The following WDFY2 variants were observed in gnomAD, a reference collection of about 807,000 sequenced individuals.
WDFY2 encodes WD repeat and FYVE domain-containing protein 2.
A neutral mutation model predicts 56.4 loss-of-function variants in WDFY2; 36 were observed. That is an observed-to-expected ratio of 0.64 (90% CI 0.49 to 0.84). The LOEUF (loss-of-function observed/expected upper bound fraction) is 0.84. WDFY2 is among the 40% of genes least tolerant of loss of function. WDFY2 has a pLI of 0.00. For missense variants in WDFY2, 444 were observed against 512.2 expected, an observed-to-expected ratio of 0.87 and a Z score of 1.29; for synonymous variants, 176 against 183.7, an observed-to-expected ratio of 0.96 and a Z score of 0.34.
chr13:51,696,657 C>T (rs1319336162), intron 3 of WDFY2, among the ~76,000 whole-genome samples: 1 of 152,068 alleles, frequency 6.6e-6, no homozygotes, highest in Admixed American at 6.6e-5. Flanking sequence ...TAATTCGCAC[C>T]TCTTGTCTTA....
At chr13:51,624,381 C>G (rs1954800886) in intron 1 of WDFY2, among the ~76,000 whole-genome samples, 1 of 152,176 alleles carries the variant, frequency 6.6e-6, no homozygotes, top group Non-Finnish European at 1.5e-5. Flanking sequence ...CTGGAAGTGG[C>G]AAGAGTCTTG....
intron 7 of WDFY2, among the ~76,000 whole-genome samples, chr13:51,741,463 T>A (rs1159464976): frequency 2.0e-5 from 3 of 152,134 alleles, no homozygotes; most frequent in African/African-American, 7.2e-5. Context: ...TTAGAGTGGG[T>A]CTGAATGCCA....
Position 51,641,854 on chromosome 13 carries a change from AT to A in WDFY2, c.138-18741del, listed in dbSNP as rs1412688044. On this transcript the variant is annotated intron_variant, in intron 1 of 11. Coordinates refer to ENST00000298125, the MANE Select transcript of WDFY2 (RefSeq NM_052950.4). The stretch of plus-strand genomic sequence containing the variant: ...AAAAAAAAAAAAAAAAAAAAAAAAA[AT>A]ATTTTGTCTAATGTTCCAGGATATC... Among the ~76,000 whole-genome samples, 138 of 146,164 alleles carry A rather than the reference AT, an allele frequency of 9.4e-4. 1 individual carries two copies. Among genetic ancestry groups the A allele is most frequent in the African/African-American group, 3.2e-3 (119 of 37,526 alleles).
chr13:51,657,146 A>G (rs1021377677), intron 1 of WDFY2, among the ~76,000 whole-genome samples: 1 of 152,050 alleles, frequency 6.6e-6, no homozygotes, highest in African/African-American at 2.4e-5. Flanking sequence ...CTAAATTTAT[A>G]TAATCTAGTT....
intron 7 of WDFY2, among the ~76,000 whole-genome samples, chr13:51,741,211 G>A (rs183069305): frequency 6.6e-6 from 1 of 152,300 alleles, no homozygotes; most frequent in African/African-American, 2.4e-5. Flanking sequence ...ACTTGCACAG[G>A]TAAGCAGGCA....
intron 3 of WDFY2, among the ~76,000 whole-genome samples, chr13:51,693,273 T>C (rs1951785993): frequency 6.6e-6 from 1 of 152,124 alleles, no homozygotes; most frequent in Admixed American, 6.5e-5. Flanking sequence ...CATTGTGATG[T>C]TAGGGTGTCA....
At chr13:51,595,861 G>A (rs150473114) in intron 1 of WDFY2, among the ~76,000 whole-genome samples, 3 of 152,250 alleles carry the variant, frequency 2.0e-5, no homozygotes, top group Non-Finnish European at 4.4e-5. Flanking sequence ...AATTAAGGAC[G>A]GCATTTACCC....
At chr13:51,730,747 C>G (rs904452540) in intron 6 of WDFY2, among the ~76,000 whole-genome samples, 1 of 152,298 alleles carries the variant, frequency 6.6e-6, no homozygotes, top group Non-Finnish European at 1.5e-5. Context: ...TCATGGAAAA[C>G]AACTGAGAAG....
At chr13:51,696,891 T>G (rs1317242680) in intron 3 of WDFY2, among the ~76,000 whole-genome samples, 2 of 152,198 alleles carry the variant, frequency 1.3e-5, no homozygotes, top group African/African-American at 4.8e-5. Flanking sequence ...TAAATACAGT[T>G]TTTTAAAAGC....
intron 4 of WDFY2, among the ~76,000 whole-genome samples, chr13:51,714,654 G>A (rs1475691057): frequency 6.6e-6 from 1 of 152,154 alleles, no homozygotes; most frequent in African/African-American, 2.4e-5. Flanking sequence ...AAAACAGTTT[G>A]GTAGTTCCTC....
chr13:51,725,695 A>AT lies in WDFY2; in HGVS notation c.486-1967dup, dbSNP rs757477233. On this transcript the variant is annotated intron_variant, in intron 5 of 11. Transcript: ENST00000298125. ...GTGTGTATATATCTATATATACACAATTTTTTTTTTTTTTTTAAGACAGGG... is the reference window on the plus strand; with the variant it reads ...GTGTGTATATATCTATATATACACAATTTTTTTTTTTTTTTTTAAGACAGGG... Among the ~76,000 whole-genome samples the AT allele has an allele frequency of 2.2e-3, 319 of 142,190 alleles. 1 individual carries two copies. Among genetic ancestry groups the AT allele is most frequent in the Middle Eastern group, 3.6e-3 (1 of 278 alleles). The allele number at this position is 142,190 out of a possible 152,430, so 93.3% of individuals were successfully genotyped here. A position where few individuals can be genotyped will look rare whatever the true frequency, so the allele number is the denominator to read the frequency against.
chr13:51,619,673 G>C (rs1263365736), intron 1 of WDFY2, among the ~76,000 whole-genome samples: 1 of 152,152 alleles, frequency 6.6e-6, no homozygotes, highest in East Asian at 1.9e-4. Context: ...AAATTAAACA[G>C]AGCTTAGATG....
intron 1 of WDFY2, among the ~76,000 whole-genome samples, chr13:51,636,432 C>G (rs932442825): frequency 6.6e-6 from 1 of 152,180 alleles, no homozygotes; most frequent in Admixed American, 6.5e-5. Flanking sequence ...GGGAATTAAC[C>G]TTGACCCATT....
At chr13:51,712,825 G>T (rs1346660390) in intron 4 of WDFY2, among the ~76,000 whole-genome samples, 1 of 151,272 alleles carries the variant, frequency 6.6e-6, no homozygotes, top group Non-Finnish European at 1.5e-5. Context: ...TATATTTAAA[G>T]GATAATATGT....
At chr13:51,737,395 C>G (rs568361029) in intron 6 of WDFY2, among the ~76,000 whole-genome samples, 28 of 151,822 alleles carry the variant, frequency 1.8e-4, no homozygotes, top group Admixed American at 2.0e-4. Flanking sequence ...TATTCTTACT[C>G]CTTCATTCAA....
chr13:51,681,879 A>G (rs930706725), intron 3 of WDFY2, among the ~76,000 whole-genome samples: 2 of 152,166 alleles, frequency 1.3e-5, no homozygotes, highest in East Asian at 1.9e-4. Flanking sequence ...AGACCTCTCA[A>G]AAACTAACCT....
intron 1 of WDFY2, among the ~76,000 whole-genome samples, chr13:51,633,380 A>G (rs1416479705): frequency 6.6e-6 from 1 of 152,192 alleles, no homozygotes; most frequent in Non-Finnish European, 1.5e-5. Context: ...GAACTGTATA[A>G]CATTGGTCAT....
intron 1 of WDFY2, among the ~76,000 whole-genome samples, chr13:51,602,034 T>C (rs1437337053): frequency 6.6e-6 from 1 of 152,216 alleles, no homozygotes; most frequent in Non-Finnish European, 1.5e-5. Flanking sequence ...CAATTGTAGA[T>C]ATGACTTTGA....
chr13:51,757,457 G>GAA (rs34923461), intron 10 of WDFY2, among the ~76,000 whole-genome samples: 7,953 of 137,482 alleles, frequency 0.058, 278 homozygotes, highest in Non-Finnish European at 0.089. Flanking sequence ...TAGAAAAAAG[G>GAA]AAAAAAAAAA....
Sources: gnomAD v4.1 joint callset for allele counts (sites outside exome capture counted in the v4.1 genomes callset) on GRCh38, gnomAD v4.1.1 for gene constraint, MANE v1.5 for transcripts, NCBI Gene and HGNC (gene_info 2026-07-23, HGNC 2026-07-21) for gene names.